The following MCTP1 variants were observed in gnomAD, a reference collection of about 807,000 sequenced individuals.
MCTP1 encodes the protein multiple C2 and transmembrane domain containing 1.
In MCTP1, 69 loss-of-function variants were observed where a neutral mutation model predicts 120.6. The observed-to-expected ratio is 0.57, with a 90% CI of 0.47 to 0.70. MCTP1 has a LOEUF of 0.70. Among genes scored for constraint, MCTP1 ranks in the 30% least tolerant of loss-of-function variants. The probability of loss-of-function intolerance (pLI) is 0.00; values close to 1 mark genes in which losing one functional copy is unlikely to be tolerated. For missense variants in MCTP1, 1,203 were observed against 1,248.8 expected (o/e 0.96, Z 0.55); for synonymous variants, 529 against 493.1 (o/e 1.07, Z -0.96).
intron 1 of MCTP1, among the ~76,000 whole-genome samples, chr5:95,171,915 A>G (rs1747353199): frequency 6.6e-6 from 1 of 152,154 alleles, no homozygotes; most frequent in African/African-American, 2.4e-5. Flanking sequence ...CAACTCGTCA[A>G]AGTCATTCTC....
intron 17 of MCTP1, among the ~76,000 whole-genome samples, chr5:94,862,397 A>C (rs2153233474): frequency 6.6e-6 from 1 of 151,978 alleles, no homozygotes; most frequent in African/African-American, 2.4e-5. Context: ...ATTAAAATAA[A>C]CAAAAAAGGG....
chr5:95,236,076 T>C (rs1002676156), intron 1 of MCTP1, among the ~76,000 whole-genome samples: 4 of 152,200 alleles, frequency 2.6e-5, no homozygotes, highest in Non-Finnish European at 1.5e-5. Context: ...CTAACTCAAC[T>C]GGAAGAACAC....
intron 1 of MCTP1, among the ~76,000 whole-genome samples, chr5:95,174,287 C>T (rs1189176094): frequency 2.0e-5 from 3 of 152,066 alleles, no homozygotes; most frequent in Non-Finnish European, 4.4e-5. Context: ...CTGTCCAGCA[C>T]ATTTTTTTCA....
chr5:94,802,583 C>T (rs1294228583), intron 17 of MCTP1, among the ~76,000 whole-genome samples: 1 of 152,094 alleles, frequency 6.6e-6, no homozygotes, highest in Non-Finnish European at 1.5e-5. Context: ...AAGGTCTGGC[C>T]TTTAGTGTCC....
intron 2 of MCTP1, among the ~76,000 whole-genome samples, chr5:95,011,893 C>A (rs1232094903): frequency 1.3e-5 from 2 of 152,060 alleles, no homozygotes; most frequent in Non-Finnish European, 2.9e-5. Context: ...TGACATTTTG[C>A]CATCAATGTT....
chr5:95,145,008 A>G (rs1760263985), intron 1 of MCTP1, among the ~76,000 whole-genome samples: 2 of 152,164 alleles, frequency 1.3e-5, no homozygotes, highest in Non-Finnish European at 2.9e-5. Context: ...CATTTTAATG[A>G]TATTGATTCT....
At chr5:94,888,660 T>C (rs1445522625) in intron 12 of MCTP1, among the ~76,000 whole-genome samples, 1 of 152,240 alleles carries the variant, frequency 6.6e-6, no homozygotes. Flanking sequence ...AAAAGTCATT[T>C]TGTTTTTTAG....
intron 1 of MCTP1, among the ~76,000 whole-genome samples, chr5:95,063,896 A>C (rs765262858): frequency 6.6e-6 from 1 of 152,204 alleles, no homozygotes; most frequent in Admixed American, 6.5e-5. Flanking sequence ...ACCTCAGCCC[A>C]ATTATAACAA....
chr5:94,921,875 A>G (rs748857589), intron 7 of MCTP1, among the ~76,000 whole-genome samples: 1 of 152,194 alleles, frequency 6.6e-6, no homozygotes, highest in Admixed American at 6.5e-5. Context: ...CAGGCTAAGG[A>G]ACAGCTTTAT....
At chr5:94,799,624 T>G (rs1274348501) in intron 17 of MCTP1, among the ~76,000 whole-genome samples, 2 of 152,084 alleles carry the variant, frequency 1.3e-5, no homozygotes, top group Non-Finnish European at 2.9e-5. Context: ...CCCCAAAGAT[T>G]TCACAATATG....
At chr5:95,237,366 C>A (rs960117029) in intron 1 of MCTP1, among the ~76,000 whole-genome samples, 2 of 152,214 alleles carry the variant, frequency 1.3e-5, no homozygotes. Flanking sequence ...ACGGTTTTTG[C>A]CATTAAAAAT....
chr5:94,835,119 A>G (rs904788192), intron 17 of MCTP1, among the ~76,000 whole-genome samples: 1 of 152,158 alleles, frequency 6.6e-6, no homozygotes, highest in African/African-American at 2.4e-5. Flanking sequence ...GCCTGGCCCT[A>G]TAACGCATTC....
At chr5:95,175,827 C>T (rs1747908216) in intron 1 of MCTP1, among the ~76,000 whole-genome samples, 1 of 152,220 alleles carries the variant, frequency 6.6e-6, no homozygotes, top group African/African-American at 2.4e-5. Context: ...ATGCTTCCCC[C>T]AGTGAATTCA....
chr5:95,024,661 A>ACC (rs1451067802), intron 1 of MCTP1, among the ~76,000 whole-genome samples: 8 of 151,512 alleles, frequency 5.3e-5, no homozygotes, highest in Non-Finnish European at 1.0e-4. Flanking sequence ...ACACACACAC[A>ACC]CACACACACA....
At chr5:95,180,649 C>T (rs1433469187) in intron 1 of MCTP1, among the ~76,000 whole-genome samples, 1 of 152,072 alleles carries the variant, frequency 6.6e-6, no homozygotes, top group African/African-American at 2.4e-5. Flanking sequence ...TAGTAACTCC[C>T]TATATGATTC....
At chr5:95,278,962 CA>C (rs113219166) in intron 1 of MCTP1, among the ~76,000 whole-genome samples, 6,511 of 80,828 alleles carry the variant, frequency 0.081, 404 homozygotes, top group African/African-American at 0.23. Context: ...AACTCCGTCT[CA>C]AAAAAAAAAA....
intron 17 of MCTP1, among the ~76,000 whole-genome samples, chr5:94,865,449 G>C (rs1017839600): frequency 2.0e-5 from 3 of 151,662 alleles, no homozygotes; most frequent in Admixed American, 1.3e-4. Flanking sequence ...GTGAGGCAGT[G>C]GCATTTATAA....
chr5:95,284,397 G>A lies in MCTP1; in HGVS notation c.179C>T (p.Pro60Leu). 1 of 1,591,650 alleles carries A rather than the reference G, an allele frequency of 6.3e-7. No individual in the cohort carries two copies. Among genetic ancestry groups the A allele is most frequent in the South Asian group, 1.1e-5 (1 of 90,294 alleles). The stretch of plus-strand genomic sequence containing the variant: ...CGGTGCATTCCCTGTGCCCACCGGG[G>A]GTGGCGGGGAGGGCGACGGGGTGTC... ...TADTPSPSPP[P>L]PVGTGNAPAR... Residue 60 changes from proline (P) to leucine (L), a missense_variant, in exon 1 of 23, where the codon CCC becomes CTC. Around this residue, in one of 2 missense-constraint regions of MCTP1, gnomAD observed 463 missense variants for 377.8 expected, o/e 1.23. Transcript: ENST00000515393. The surrounding 1 kb of genome is among the most constrained non-coding windows in gnomAD (Gnocchi z 5.2).
At chr5:95,093,566 C>T (rs774825250) in intron 1 of MCTP1, among the ~76,000 whole-genome samples, 1 of 152,040 alleles carries the variant, frequency 6.6e-6, no homozygotes, top group Non-Finnish European at 1.5e-5. Context: ...TACTATGTTT[C>T]AAGCAGATGT....
Sources: allele counts gnomAD v4.1 joint callset (sites outside exome capture counted in the v4.1 genomes callset), GRCh38; gene constraint gnomAD v4.1.1; regional missense constraint gnomAD v4.1.1; non-coding constraint Gnocchi (gnomAD v3.1); transcripts MANE v1.5; gene names NCBI Gene and HGNC (gene_info 2026-07-23, HGNC 2026-07-21).